Variants in ADAMTS6 observed in about 807,000 individuals in gnomAD.
ADAMTS6 encodes the protein ADAM metallopeptidase with thrombospondin type 1 motif 6, also known as A disintegrin and metalloproteinase with thrombospondin motifs 6.
In ADAMTS6, 23 loss-of-function variants were observed where a neutral mutation model predicts 144.3. The observed-to-expected ratio is 0.16, with a 90% CI of 0.11 to 0.23. ADAMTS6 has a LOEUF of 0.23. Among genes scored for constraint, ADAMTS6 ranks in the 10% least tolerant of loss-of-function variants. The pLI is 1.00. For synonymous variants in ADAMTS6, 444 were observed against 457.5 expected (o/e 0.97, Z 0.38); for missense variants, 999 against 1,379.6 (o/e 0.72, Z 4.37).
intron 11 of ADAMTS6, among the ~76,000 whole-genome samples, chr5:65,280,029 A>G (rs112507658): frequency 0.032 from 4,807 of 152,188 alleles, 259 homozygotes; most frequent in African/African-American, 0.11. Flanking sequence ...CCAATTTGTC[A>G]TGTTGATTTA....
At chr5:65,440,169 T>C (rs912262251) in intron 7 of ADAMTS6, among the ~76,000 whole-genome samples, 3 of 152,218 alleles carry the variant, frequency 2.0e-5, no homozygotes, top group African/African-American at 7.2e-5. Context: ...AAGAATGATG[T>C]CTACAATTAC....
chr5:65,438,213 C>T (rs145923210), intron 7 of ADAMTS6, among the ~76,000 whole-genome samples: 1 of 152,256 alleles, frequency 6.6e-6, no homozygotes, highest in African/African-American at 2.4e-5. Flanking sequence ...TTACCAGAGG[C>T]TTCACCAATG....
intron 7 of ADAMTS6, among the ~76,000 whole-genome samples, chr5:65,390,662 C>A (rs1171373639): frequency 6.6e-6 from 1 of 152,124 alleles, no homozygotes; most frequent in African/African-American, 2.4e-5. Flanking sequence ...TCCAAAATAA[C>A]AGAAATAATA....
chr5:65,466,885 AC>A (rs1406670763), intron 3 of ADAMTS6, among the ~76,000 whole-genome samples: 1 of 152,150 alleles, frequency 6.6e-6, no homozygotes, highest in East Asian at 1.9e-4. Context: ...TACTAAAAAC[AC>A]AAAAAATTAG....
chr5:65,347,209 A>C (rs1178492807), intron 7 of ADAMTS6, among the ~76,000 whole-genome samples: 1 of 151,978 alleles, frequency 6.6e-6, no homozygotes, highest in Admixed American at 6.6e-5. Context: ...CCTAAAATTC[A>C]TATGGAACCA....
chr5:65,349,108 C>T (rs1364807724), intron 7 of ADAMTS6, among the ~76,000 whole-genome samples: 1 of 151,870 alleles, frequency 6.6e-6, no homozygotes, highest in African/African-American at 2.4e-5. Context: ...ACCTCAAAAC[C>T]AAAGAAGCTA....
At chr5:65,179,400 G>A (rs1330969702) in intron 22 of ADAMTS6, among the ~76,000 whole-genome samples, 1 of 152,092 alleles carries the variant, frequency 6.6e-6, no homozygotes, top group Non-Finnish European at 1.5e-5. Flanking sequence ...TAAGATTAAG[G>A]ACTGAGGACT....
intron 7 of ADAMTS6, among the ~76,000 whole-genome samples, chr5:65,351,754 C>T (rs894090968): frequency 2.0e-5 from 3 of 151,866 alleles, no homozygotes; most frequent in Admixed American, 6.6e-5. Context: ...TGAATAGCCA[C>T]TGCACTCCAT....
At chr5:65,392,657 C>T (rs192299956) in intron 7 of ADAMTS6, among the ~76,000 whole-genome samples, 1 of 152,238 alleles carries the variant, frequency 6.6e-6, no homozygotes, top group African/African-American at 2.4e-5. Flanking sequence ...TGAAATCAGC[C>T]ACTTCTCTGA....
chr5:65,449,344 G>A (rs1228359354), intron 7 of ADAMTS6, among the ~76,000 whole-genome samples: 3 of 152,178 alleles, frequency 2.0e-5, no homozygotes, highest in Admixed American at 1.3e-4. Context: ...GGCCAGGCGC[G>A]GTGGCTCACG....
chr5:65,283,899 T>C (rs181456021), intron 11 of ADAMTS6, among the ~76,000 whole-genome samples: 39 of 152,264 alleles, frequency 2.6e-4, no homozygotes, highest in Non-Finnish European at 4.6e-4. Context: ...CAAACTGTAA[T>C]AAGTGTTCCA....
At position 65,225,001 on chromosome 5, in the gene ADAMTS6, C is replaced by A; in HGVS notation, c.2114G>T (p.Arg705Ile). 1 of 1,614,134 alleles carries A rather than the reference C, an allele frequency of 6.2e-7. No homozygotes were observed. Among genetic ancestry groups the A allele is most frequent in the Non-Finnish European group, 8.5e-7 (1 of 1,180,012 alleles). Residue 705 changes from arginine to isoleucine, a missense_variant, in exon 17 of 25, where the codon AGA (arginine) becomes ATA (isoleucine). Physicochemically the swap from Arg to Ile is moderately conservative, Grantham distance 97. Coordinates refer to ENST00000381055, the MANE Select transcript of ADAMTS6 (RefSeq NM_197941.4). ...TCCGTCCCCTCCACAGACTCGACATCTATCTTCCCTAGCATCAGATCCCAA... is the reference window on the plus strand; with the variant it reads ...TCCGTCCCCTCCACAGACTCGACATATATCTTCCCTAGCATCAGATCCCAA... ...NILGSDARED[R>I]CRVCGGDGST...
intron 22 of ADAMTS6, among the ~76,000 whole-genome samples, chr5:65,184,091 T>C (rs1754526572): frequency 6.6e-6 from 1 of 152,214 alleles, no homozygotes; most frequent in Admixed American, 6.5e-5. Context: ...TAGAATCTCA[T>C]GATCATTTAA....
At chr5:65,442,385 C>A (rs962125862) in intron 7 of ADAMTS6, among the ~76,000 whole-genome samples, 1 of 152,084 alleles carries the variant, frequency 6.6e-6, no homozygotes, top group African/African-American at 2.4e-5. Context: ...TATTATTAAA[C>A]AATTTTAACT....
chr5:65,198,459 C>T (rs1456465730), intron 20 of ADAMTS6: 1 of 166,952 alleles, frequency 6.0e-6, no homozygotes, highest in African/African-American at 2.4e-5. Flanking sequence ...CCAAATGCTT[C>T]CCCCAAGTTC....
chr5:65,261,876 G>C (rs1761224401), intron 13 of ADAMTS6, among the ~76,000 whole-genome samples: 1 of 151,766 alleles, frequency 6.6e-6, no homozygotes, highest in Non-Finnish European at 1.5e-5. Context: ...AGGAACCAAA[G>C]AGAGGGATCC....
At chr5:65,452,258 A>C in intron 5 of ADAMTS6, 42 bp from the exon 6 acceptor site, 1 of 1,569,420 alleles carries the variant, frequency 6.4e-7, no homozygotes, top group Non-Finnish European at 8.7e-7. Flanking sequence ...GTCAGACAAA[A>C]ATTATAGGGT....
At chr5:65,263,308 A>G (rs1251868618) in intron 12 of ADAMTS6, among the ~76,000 whole-genome samples, 2 of 150,990 alleles carry the variant, frequency 1.3e-5, no homozygotes, top group Non-Finnish European at 2.9e-5. Context: ...TTAGTATTTT[A>G]TTTAAAATTT....
chr5:65,275,399 GAAAGAAAGAAAGAAAGA>G lies in ADAMTS6; in HGVS notation c.1513-1969_1513-1953del, dbSNP rs1302734614. 2.2e-3 allele frequency among the ~76,000 whole-genome samples: 238 copies of G among 110,034 alleles called. 2 individuals are homozygous for G. The highest frequency in any genetic ancestry group is 5.7e-3 in the Admixed American group (65 of 11,478). 72.2% of individuals were successfully genotyped at this position (110,034 alleles called of 152,430 possible). ...AGAAAGAAAGAAAGAAAGAAAGAAAGAAAGAAAGAAAGAAAGAAAAGAAAGAAAGAAAGAAAAGAAAA... is the reference window on the plus strand; with the variant it reads ...AGAAAGAAAGAAAGAAAGAAAGAAAGAAAGAAAGAAAGAAAGAAAAGAAAA... On this transcript the variant is annotated intron_variant, in intron 11 of 24. Transcript: ENST00000381055.
Sources: allele counts gnomAD v4.1 joint callset (sites outside exome capture counted in the v4.1 genomes callset), GRCh38; gene constraint gnomAD v4.1.1; transcripts MANE v1.5; gene names NCBI Gene and HGNC (gene_info 2026-07-23, HGNC 2026-07-21).